The following C14orf39 variants were observed in gnomAD, a reference collection of about 807,000 sequenced individuals.
C14orf39 encodes the protein protein SIX6OS1.
C14orf39 carries 66 observed loss-of-function variants against 85.6 expected under a neutral mutation model. The ratio of observed to expected loss-of-function variants is 0.77; its 90% CI spans 0.63 to 0.95. C14orf39 has a LOEUF of 0.95. C14orf39 is among the 40% of genes least tolerant of loss of function. The pLI is 0.00. For synonymous variants in C14orf39, 242 were observed against 214.0 expected (o/e 1.13, Z -1.14); for missense variants, 735 against 663.9 (o/e 1.11, Z -1.18).
rs138591516 is a variant in C14orf39 at position 60,463,644 on chromosome 14, A to G, written c.973-2051T>C. Among the ~76,000 whole-genome samples, 7 of 152,262 alleles carry G rather than the reference A, an allele frequency of 4.6e-5. No homozygotes were observed. The East Asian group carries it at 1.4e-3, about 29-fold the overall frequency. On this transcript the variant is annotated intron_variant, in intron 11 of 17. Transcript: ENST00000321731. ...AGAAAAATAATGAACATTTTGACATATGGACATACAGATCCCCCTCTTTAT... is the reference window on the plus strand; with the variant it reads ...AGAAAAATAATGAACATTTTGACATGTGGACATACAGATCCCCCTCTTTAT...
At position 60,468,480 on chromosome 14, in the gene C14orf39, GTTC is replaced by G. The variant is rs1891905116; in HGVS notation, c.729_731del (p.Lys243del). 6.3e-7 allele frequency: 1 copy of G among 1,595,328 alleles called. No homozygotes were observed. Among genetic ancestry groups the G allele is most frequent in the Non-Finnish European group, 8.5e-7 (1 of 1,169,924 alleles). ...GTTCTTTTCTGTTTTCTGTATTTTTGTTCTTTTCTTCCAGAGTTTCTGAAAGAG... is the reference window on the plus strand; with the variant it reads ...GTTCTTTTCTGTTTTCTGTATTTTTGTTTTCTTCCAGAGTTTCTGAAAGAG... On this transcript the variant is annotated inframe_deletion, in exon 9 of 18. Transcript: ENST00000321731.
rs534668093 is a variant in C14orf39, at chr14:60,484,130, ATG to A, written c.107-315_107-314del. Reference sequence around the variant, plus strand: ...AAGGTCAATCGTATCTTAAGATGCTATGAATTCTTGCAAACATTTATTCGTTA... The same window carrying A: ...AAGGTCAATCGTATCTTAAGATGCTAAATTCTTGCAAACATTTATTCGTTA... On this transcript the variant is annotated intron_variant, in intron 3 of 17. Coordinates refer to ENST00000321731, the MANE Select transcript of C14orf39 (RefSeq NM_174978.3). This position sits in a 1 kb window ranked among gnomAD's most constrained non-coding sequence, Gnocchi z 4.2. 2.7e-3 allele frequency among the ~76,000 whole-genome samples: 414 copies of A among 152,330 alleles called. 2 individuals are homozygous for A. The highest frequency in any genetic ancestry group is 5.0e-3 in the Admixed American group (76 of 15,306).
chr14:60,478,510 A>G, intron 4 of C14orf39, 121 bp from the exon 5 acceptor site: 1 of 487,512 alleles, frequency 2.1e-6, no homozygotes, highest in South Asian at 4.7e-5. Context: ...TGGAGAAAAC[A>G]AGCTTACATC....
chr14:60,469,795 G>C (rs2140116964), intron 7 of C14orf39, 142 bp from the exon 8 acceptor site: 1 of 383,964 alleles, frequency 2.6e-6, no homozygotes, highest in African/African-American at 2.1e-5. Context: ...AACAGTATCT[G>C]AAAACAGGAG....
intron 2 of C14orf39, among the ~76,000 whole-genome samples, chr14:60,493,135 C>T (rs1396882080): frequency 1.3e-5 from 2 of 152,144 alleles, no homozygotes; most frequent in African/African-American, 4.8e-5. Context: ...ATACTTGGGG[C>T]TTCGAATGAA....
At chr14:60,480,233 C>T (rs1171372205) in intron 4 of C14orf39, among the ~76,000 whole-genome samples, 1 of 152,038 alleles carries the variant, frequency 6.6e-6, no homozygotes, top group Non-Finnish European at 1.5e-5. Flanking sequence ...ACCAGCCTGG[C>T]CAATATGGTG....
At chr14:60,461,238 T>C in intron 13 of C14orf39, 116 bp downstream of exon 13, 3 of 766,610 alleles carry the variant, frequency 3.9e-6, no homozygotes, top group Non-Finnish European at 6.5e-6. Context: ...AAGCCAGGCG[T>C]GCATGGTCAG....
intron 16 of C14orf39, among the ~76,000 whole-genome samples, chr14:60,452,009 C>A (rs1372091555): frequency 6.7e-6 from 1 of 149,650 alleles, no homozygotes; most frequent in East Asian, 2.0e-4. Flanking sequence ...GGTGAAACCC[C>A]ATCTCTACTA....
chr14:60,511,280 G>C, intron 1 of C14orf39: 1 of 1,611,190 alleles, frequency 6.2e-7, no homozygotes, highest in Non-Finnish European at 8.5e-7. Flanking sequence ...CTCAGAAGCA[G>C]ATTCCAGTGT....
chr14:60,490,044 A>G (rs1892962756), upstream of C14orf39, among the ~76,000 whole-genome samples: 1 of 152,210 alleles, frequency 6.6e-6, no homozygotes, highest in South Asian at 2.1e-4. Flanking sequence ...CAGTAGCTGC[A>G]TGATTTTTCT....
In C14orf39 at chr14:60,436,717, A is replaced by G; in HGVS notation, c.*128T>C. ...GTATTTCAATATTTCAATAAATATA[A>G]TCAAATAATGTAAACATTACTGCTT... On this transcript the variant is annotated 3_prime_UTR_variant, in exon 18 of 18. Transcript: ENST00000321731. The G allele has an allele frequency of 1.7e-6, 1 of 602,994 alleles. No individual in the cohort carries two copies. The highest frequency in any genetic ancestry group is 2.8e-6 in the Non-Finnish European group (1 of 360,794). The allele number at this position is 602,994 out of a possible 1,614,324, so 37.4% of individuals were successfully genotyped here. A position where few individuals can be genotyped will look rare whatever the true frequency, so the allele number is the denominator to read the frequency against.
chr14:60,466,501 A>T (rs1182546143), intron 10 of C14orf39, among the ~76,000 whole-genome samples: 3 of 152,022 alleles, frequency 2.0e-5, no homozygotes, highest in African/African-American at 4.8e-5. Context: ...CCAACCTAAT[A>T]GTTAATTTAA....
intron 16 of C14orf39, among the ~76,000 whole-genome samples, chr14:60,445,475 T>A (rs1223835616): frequency 6.6e-6 from 1 of 152,180 alleles, no homozygotes; most frequent in South Asian, 2.1e-4. Context: ...TGAAGGCTAT[T>A]ACAAAATGAT....
chr14:60,442,042 T>C (rs1168898564), intron 17 of C14orf39, 32 bp downstream of exon 17: 1 of 1,531,314 alleles, frequency 6.5e-7, no homozygotes, highest in East Asian at 2.3e-5. Flanking sequence ...AGTTAACATG[T>C]TTTTAAAGGT....
rs536089665 is a variant in C14orf39, at chr14:60,477,366, T to C, written c.323+934A>G. On this transcript the variant is annotated intron_variant, in intron 5 of 17. Coordinates refer to ENST00000321731, the MANE Select transcript of C14orf39 (RefSeq NM_174978.3). Reference sequence around the variant, plus strand: ...GCATTCTAGATTTTGCACGTTTTAGTTACAATATAAAAATAGATACTGTTC... The same window carrying C: ...GCATTCTAGATTTTGCACGTTTTAGCTACAATATAAAAATAGATACTGTTC... Among the ~76,000 whole-genome samples, 5 of 152,304 alleles carry C rather than the reference T, an allele frequency of 3.3e-5. No homozygotes were observed. In the East Asian group the frequency reaches 9.6e-4, roughly 29 times the overall value.
At chr14:60,475,579 T>C (rs562558168) in intron 5 of C14orf39, among the ~76,000 whole-genome samples, 3 of 152,208 alleles carry the variant, frequency 2.0e-5, no homozygotes, top group Non-Finnish European at 4.4e-5. Flanking sequence ...ATAAATAAAG[T>C]TTTATTAGAG....
At chr14:60,465,908 G>C in intron 11 of C14orf39, 71 bp downstream of exon 11, 1 of 690,506 alleles carries the variant, frequency 1.4e-6, no homozygotes, top group Non-Finnish European at 2.3e-6. Context: ...GTGTCTTAAG[G>C]GCAGTACATT....
intron 15 of C14orf39, among the ~76,000 whole-genome samples, 171 bp downstream of exon 15, chr14:60,456,746 G>C (rs1891297215): frequency 6.6e-6 from 1 of 152,022 alleles, no homozygotes. Context: ...TGTTAAAACA[G>C]GGTGATGGGT....
chr14:60,467,768 C>T (rs963232523), intron 9 of C14orf39, among the ~76,000 whole-genome samples: 1 of 151,392 alleles, frequency 6.6e-6, no homozygotes, highest in South Asian at 2.1e-4. Context: ...GGGAAATTAA[C>T]CCGACAGAAG....
Sources: allele counts gnomAD v4.1 joint callset (sites outside exome capture counted in the v4.1 genomes callset), GRCh38; gene constraint gnomAD v4.1.1; non-coding constraint Gnocchi (gnomAD v3.1); transcripts MANE v1.5; gene names NCBI Gene and HGNC (gene_info 2026-07-23, HGNC 2026-07-21).